Variants in WASF3 observed in about 807,000 individuals in gnomAD.
WASF3 encodes the protein actin-binding protein WASF3.
A neutral mutation model predicts 46.6 loss-of-function variants in WASF3; 11 were observed. The ratio of observed to expected loss-of-function variants is 0.24; its 90% CI spans 0.15 to 0.39. The LOEUF (loss-of-function observed/expected upper bound fraction) is 0.39, where lower values mean the gene tolerates loss of function less well. WASF3 is among the 10% of genes least tolerant of loss of function. The pLI, the probability that WASF3 is intolerant of heterozygous loss-of-function variation, is 1.00. For missense variants in WASF3, 576 were observed against 669.8 expected (o/e 0.86, Z 1.55); for synonymous variants, 242 against 259.7 (o/e 0.93, Z 0.65).
At chr13:26,542,520 C>T in the WASF3 span, among the ~76,000 whole-genome samples, 1 of 152,232 alleles carries the variant, frequency 6.6e-6, no homozygotes, top group East Asian at 1.9e-4. Context: ...AACTATAAAT[C>T]GTTTGTTATT....
At chr13:26,594,411 T>C (rs1880397213) in intron 1 of WASF3, among the ~76,000 whole-genome samples, 1 of 152,222 alleles carries the variant, frequency 6.6e-6, no homozygotes, top group Non-Finnish European at 1.5e-5. Flanking sequence ...GTAAAATCTT[T>C]TCAGCACTCA....
At chr13:26,551,094 G>A in the WASF3 span, among the ~76,000 whole-genome samples, 3 of 152,116 alleles carry the variant, frequency 2.0e-5, no homozygotes, top group Non-Finnish European at 2.9e-5. Flanking sequence ...AGATCTGATG[G>A]TTTAAAAGTG....
At chr13:26,572,822 G>A (rs1879679747) in intron 1 of WASF3, among the ~76,000 whole-genome samples, 1 of 152,136 alleles carries the variant, frequency 6.6e-6, no homozygotes, top group African/African-American at 2.4e-5. Flanking sequence ...CAAAGTGCTG[G>A]GATTACAGGC....
At chr13:26,552,030 T>C in the WASF3 span, among the ~76,000 whole-genome samples, 1 of 152,238 alleles carries the variant, frequency 6.6e-6, no homozygotes, top group African/African-American at 2.4e-5. Context: ...AGGGATAGAT[T>C]TGAGGGAAGT....
At chr13:26,587,834 A>G (rs1329754354) in intron 1 of WASF3, among the ~76,000 whole-genome samples, 3 of 152,216 alleles carry the variant, frequency 2.0e-5, no homozygotes, top group African/African-American at 7.2e-5. Flanking sequence ...CTGTTGGTGA[A>G]TGTCAGTCAC....
At chr13:26,578,844 C>G (rs1246609963) in intron 1 of WASF3, among the ~76,000 whole-genome samples, 2 of 152,002 alleles carry the variant, frequency 1.3e-5, no homozygotes, top group East Asian at 3.9e-4. Context: ...AACATCTTTT[C>G]TTTAACAAAT....
At chr13:26,577,352 C>T (rs1879831564) in intron 1 of WASF3, 2 of 763,744 alleles carry the variant, frequency 2.6e-6, no homozygotes. Flanking sequence ...CTTTTATGCT[C>T]AGCACCAACA....
chr13:26,590,179 C>T (rs1200649855), intron 1 of WASF3, among the ~76,000 whole-genome samples: 4 of 152,118 alleles, frequency 2.6e-5, no homozygotes, highest in African/African-American at 7.2e-5. Flanking sequence ...TTTCCCATCG[C>T]GCTAATTTCC....
chr13:26,682,925 G>T lies in WASF3; in HGVS notation c.1302G>T (p.Gln434His). 1 of 1,610,102 alleles carries T rather than the reference G, an allele frequency of 6.2e-7. No homozygotes were observed. ...AGGCGAAGCGGCAAGAGCCTGCACA[G>T]CCACCAATCAGTGATGCTCGAAGCG... is the stretch of plus-strand genomic sequence containing the variant. ...VAEAKRQEPAQPPISDARSDL... is the reference protein window; with the variant it reads ...VAEAKRQEPAHPPISDARSDL... The change falls in exon 9 of 10, where the codon CAG (glutamine) becomes CAT (histidine). Residue 434 changes from glutamine to histidine, a missense_variant. Gln to His is a conservative substitution (Grantham distance 24, BLOSUM62 0). This residue lies in a region of WASF3 where 295 missense variants were observed against 291.5 expected (regional missense o/e 1.01). Coordinates refer to ENST00000335327, the MANE Select transcript of WASF3 (RefSeq NM_006646.6). This position sits in a 1 kb window ranked among gnomAD's most constrained non-coding sequence, Gnocchi z 4.4.
chr13:26,589,904 C>A (rs1880239252), intron 1 of WASF3, among the ~76,000 whole-genome samples: 1 of 151,554 alleles, frequency 6.6e-6, no homozygotes, highest in Non-Finnish European at 1.5e-5. Context: ...GAATGGCCAC[C>A]CCCCATTGCT....
chr13:26,610,735 T>A (rs17084391), intron 1 of WASF3, among the ~76,000 whole-genome samples: 1 of 151,982 alleles, frequency 6.6e-6, no homozygotes, highest in Admixed American at 6.5e-5. Flanking sequence ...TGTATGGAAA[T>A]AGAATTGGAG....
At position 26,557,771 on chromosome 13, in the gene WASF3, C is replaced by T. The variant is rs1333607585; in HGVS notation, c.-157C>T. 1.9e-5 allele frequency: 5 copies of T among 263,804 alleles called. No homozygotes were observed. The highest frequency in any genetic ancestry group is 3.5e-5 in the Non-Finnish European group (5 of 141,058). The allele number at this position is 263,804 out of a possible 1,614,324, so 16.3% of individuals were successfully genotyped here. ...CCGGGCGGCCGCGGCGCGGCGGGACCATGGAGCTCAGAGCGCAGCCCCGGC... is the reference window on the plus strand; with the variant it reads ...CCGGGCGGCCGCGGCGCGGCGGGACTATGGAGCTCAGAGCGCAGCCCCGGC... On this transcript the variant is annotated 5_prime_UTR_variant, in exon 1 of 10. Transcript: ENST00000335327.
chr13:26,558,672 C>T (rs755224391), intron 1 of WASF3, among the ~76,000 whole-genome samples: 3 of 152,134 alleles, frequency 2.0e-5, no homozygotes, highest in East Asian at 3.9e-4. Flanking sequence ...ATGTGATGGG[C>T]TTAGGGATCA....
chr13:26,561,427 C>G (rs1879292116), intron 1 of WASF3, among the ~76,000 whole-genome samples: 1 of 151,900 alleles, frequency 6.6e-6, no homozygotes, highest in Admixed American at 6.6e-5. Context: ...TAGGTGGGGA[C>G]AGAGCAGCAT....
intron 3 of WASF3, 38 bp from the exon 4 acceptor site, chr13:26,664,990 C>T (rs1882728711): frequency 6.2e-7 from 1 of 1,611,274 alleles, no homozygotes; most frequent in Non-Finnish European, 8.5e-7. Context: ...TCATCAGCTC[C>T]CTAACAGATG....
At chr13:26,658,704 T>G (rs1306152140) in intron 3 of WASF3, among the ~76,000 whole-genome samples, 1 of 152,318 alleles carries the variant, frequency 6.6e-6, no homozygotes, top group African/African-American at 2.4e-5. Context: ...GCACAAGCAG[T>G]GCAGAGGTGA....
intron 5 of WASF3, among the ~76,000 whole-genome samples, chr13:26,668,642 G>T (rs1882841383): frequency 6.6e-6 from 1 of 152,224 alleles, no homozygotes; most frequent in South Asian, 2.1e-4. Context: ...AGGGTCCACA[G>T]GGAGATGTTT....
At chr13:26,651,635 A>C (rs1278755335) in intron 3 of WASF3, among the ~76,000 whole-genome samples, 3 of 152,246 alleles carry the variant, frequency 2.0e-5, no homozygotes, top group Non-Finnish European at 4.4e-5. Context: ...TTAACGCTTC[A>C]GGGAAATGAT....
chr13:26,637,709 TCC>T (rs1881871355), intron 2 of WASF3, among the ~76,000 whole-genome samples: 1 of 152,220 alleles, frequency 6.6e-6, no homozygotes, highest in Non-Finnish European at 1.5e-5. Context: ...ATGAAAGGTA[TCC>T]CTTCATTTGG....
Sources: allele counts gnomAD v4.1 joint callset (sites outside exome capture counted in the v4.1 genomes callset), GRCh38; gene constraint gnomAD v4.1.1; regional missense constraint gnomAD v4.1.1; non-coding constraint Gnocchi (gnomAD v3.1); transcripts MANE v1.5; gene names NCBI Gene and HGNC (gene_info 2026-07-23, HGNC 2026-07-21).